Variants in AGBL4 observed in about 807,000 individuals in gnomAD.
AGBL4 encodes the protein cytosolic carboxypeptidase 6.
In AGBL4, 58 loss-of-function variants were observed where a neutral mutation model predicts 66.4. The observed-to-expected ratio is 0.87, with a 90% CI of 0.71 to 1.09. The LOEUF (loss-of-function observed/expected upper bound fraction) is 1.09. Ranked by LOEUF, AGBL4 falls within the 50% of genes least tolerant of loss-of-function variation. AGBL4 has a pLI of 0.00. For missense variants in AGBL4, 579 were observed against 631.0 expected (o/e 0.92, Z 0.88); for synonymous variants, 234 against 222.9 (o/e 1.05, Z -0.44).
intron 4 of AGBL4, among the ~76,000 whole-genome samples, chr1:49,131,455 G>C (rs2148069476): frequency 6.6e-6 from 1 of 152,162 alleles, no homozygotes; most frequent in Non-Finnish European, 1.5e-5. Flanking sequence ...TCTACTATAA[G>C]AGGGGGAATC....
intron 1 of AGBL4, among the ~76,000 whole-genome samples, chr1:49,866,713 G>A (rs901975367): frequency 1.2e-4 from 18 of 151,980 alleles, no homozygotes; most frequent in African/African-American, 3.9e-4. Context: ...GCAATGAGCC[G>A]AGATCACGCC....
At chr1:48,570,535 C>G (rs1052269680) in intron 11 of AGBL4, among the ~76,000 whole-genome samples, 1 of 151,876 alleles carries the variant, frequency 6.6e-6, no homozygotes, top group African/African-American at 2.4e-5. Flanking sequence ...AAGTTAATAT[C>G]GTGGGTTAAC....
chr1:49,709,526 A>G (rs779226510), intron 2 of AGBL4, among the ~76,000 whole-genome samples: 1 of 152,218 alleles, frequency 6.6e-6, no homozygotes, highest in Non-Finnish European at 1.5e-5. Flanking sequence ...CTTCATGACT[A>G]AAACACCAAA....
At chr1:49,569,707 A>G (rs1169761562) in intron 3 of AGBL4, among the ~76,000 whole-genome samples, 1 of 152,124 alleles carries the variant, frequency 6.6e-6, no homozygotes, top group Non-Finnish European at 1.5e-5. Flanking sequence ...ATTGCACACA[A>G]TAAGTAATTT....
chr1:49,398,953 T>G (rs2148607159), intron 3 of AGBL4, among the ~76,000 whole-genome samples: 1 of 152,304 alleles, frequency 6.6e-6, no homozygotes, highest in African/African-American at 2.4e-5. Flanking sequence ...TTCTGATTTT[T>G]TTTTGTTTTC....
chr1:49,921,412 C>A (rs1652232946), intron 1 of AGBL4, among the ~76,000 whole-genome samples: 1 of 152,058 alleles, frequency 6.6e-6, no homozygotes, highest in South Asian at 2.1e-4. Flanking sequence ...ACCATCAATG[C>A]AAATATATCT....
the AGBL4 span, among the ~76,000 whole-genome samples, chr1:48,524,342 C>T: frequency 1.3e-5 from 2 of 152,130 alleles, no homozygotes; most frequent in Non-Finnish European, 2.9e-5. Flanking sequence ...AAGACAGGAA[C>T]ACAAAGCTGA....
chr1:49,831,072 G>T (rs192575829), intron 2 of AGBL4, among the ~76,000 whole-genome samples: 1 of 152,242 alleles, frequency 6.6e-6, no homozygotes, highest in Admixed American at 6.5e-5. Flanking sequence ...TTTTGCTTGG[G>T]ATTGTCTTGG....
rs373269804 is a variant in AGBL4, at chr1:49,844,735, C to G, written c.157+6661G>C. 4.4e-4 allele frequency: 698 copies of G among 1,602,424 alleles called. 7 individuals carry two copies. In the South Asian group the frequency reaches 6.9e-3, roughly 16 times the overall value. On this transcript the variant is annotated intron_variant, in intron 2 of 13. Coordinates refer to ENST00000371839, the MANE Select transcript of AGBL4 (RefSeq NM_032785.4). Reference sequence around the variant, plus strand: ...AGTCAAACTGTCAGTTCTAAAGCAACGTATCTCTGAAGAAATATCCAACAA... The same window carrying G: ...AGTCAAACTGTCAGTTCTAAAGCAAGGTATCTCTGAAGAAATATCCAACAA...
At chr1:49,656,285 A>G (rs920322520) in intron 3 of AGBL4, among the ~76,000 whole-genome samples, 2 of 152,100 alleles carry the variant, frequency 1.3e-5, no homozygotes, top group African/African-American at 4.8e-5. Flanking sequence ...CGACACATAC[A>G]CCCTCCCAAG....
intron 5 of AGBL4, among the ~76,000 whole-genome samples, chr1:48,876,446 G>A (rs971332114): frequency 2.6e-5 from 4 of 152,184 alleles, no homozygotes; most frequent in African/African-American, 9.6e-5. Flanking sequence ...CCAGTCATGA[G>A]TCAGAAGATT....
intron 4 of AGBL4, among the ~76,000 whole-genome samples, chr1:49,119,329 G>C (rs1247220119): frequency 6.6e-6 from 1 of 152,118 alleles, no homozygotes; most frequent in African/African-American, 2.4e-5. Context: ...TCTCTTGTGG[G>C]TATTCAGTGC....
In AGBL4 at chr1:49,947,971, TA is replaced by T. The variant is rs1410136935; in HGVS notation, c.34+75791del. 2.2e-4 allele frequency among the ~76,000 whole-genome samples: 16 copies of T among 74,032 alleles called. No homozygotes were observed. The East Asian group carries it at 4.2e-3, about 20-fold the overall frequency. 48.6% of individuals were successfully genotyped at this position (74,032 alleles called of 152,430 possible). A position where few individuals can be genotyped will look rare whatever the true frequency, so the allele number is the denominator to read the frequency against. ...GCTGCAATATATATATAAATATATATATTTATAAATATATATTTATATATAT... is the reference window on the plus strand; with the variant it reads ...GCTGCAATATATATATAAATATATATTTTATAAATATATATTTATATATAT... On this transcript the variant is annotated intron_variant, in intron 1 of 13. Coordinates refer to ENST00000371839, the MANE Select transcript of AGBL4 (RefSeq NM_032785.4).
chr1:49,750,450 T>C (rs895787367), intron 2 of AGBL4, among the ~76,000 whole-genome samples: 10 of 152,332 alleles, frequency 6.6e-5, no homozygotes, highest in Middle Eastern at 3.4e-3. Context: ...CATTGGTCTA[T>C]ATATCTGTTT....
In AGBL4 at chr1:49,491,847, C is replaced by T. The variant is rs750379419; in HGVS notation, c.282+205466G>A. ...TATCTTCAGGGAATATGTTCCAAAA[C>T]CCCCAGTGGATGCCTGAAACCACAG... On this transcript the variant is annotated intron_variant, in intron 3 of 13. Transcript: ENST00000371839. Among the ~76,000 whole-genome samples the T allele has an allele frequency of 4.6e-4, 70 of 151,902 alleles. 1 individual carries two copies. The highest frequency in any genetic ancestry group is 8.4e-4 in the Non-Finnish European group (57 of 67,940).
intron 3 of AGBL4, among the ~76,000 whole-genome samples, chr1:49,554,263 G>GTTCCGATAAATAAGATTTC (rs1653217241): frequency 1.3e-5 from 2 of 152,294 alleles, no homozygotes; most frequent in African/African-American, 4.8e-5. Context: ...ATGCAGAGAA[G>GTTCCGATAAATAAGATTTC]TTCCGATAAA....
intron 6 of AGBL4, among the ~76,000 whole-genome samples, chr1:48,691,010 C>A (rs1241185783): frequency 6.6e-6 from 1 of 151,768 alleles, no homozygotes; most frequent in Non-Finnish European, 1.5e-5. Flanking sequence ...ACTAAAAATA[C>A]AAAAATTAGC....
intron 4 of AGBL4, among the ~76,000 whole-genome samples, chr1:49,207,533 T>C (rs1192796600): frequency 8.5e-6 from 1 of 118,110 alleles, no homozygotes. Context: ...CTCTCTTTCT[T>C]TTTCTTTCTT....
intron 1 of AGBL4, among the ~76,000 whole-genome samples, chr1:49,907,453 G>T (rs1361556789): frequency 2.0e-5 from 3 of 152,066 alleles, no homozygotes; most frequent in African/African-American, 7.2e-5. Context: ...CTGGTACTAG[G>T]CACTGTGCTT....
Sources: gnomAD v4.1 joint callset for allele counts (sites outside exome capture counted in the v4.1 genomes callset) on GRCh38, gnomAD v4.1.1 for gene constraint, MANE v1.5 for transcripts, NCBI Gene and HGNC (gene_info 2026-07-23, HGNC 2026-07-21) for gene names.